The following CACNB1 variants were observed in gnomAD, a reference collection of about 807,000 sequenced individuals.
The protein encoded by CACNB1 is voltage-dependent L-type calcium channel subunit beta-1.
CACNB1 carries 29 observed loss-of-function variants against 71.6 expected under a neutral mutation model. That is an observed-to-expected ratio of 0.40 (90% CI 0.30 to 0.55). The LOEUF is 0.55. Ranked by LOEUF, CACNB1 falls within the 20% of genes least tolerant of loss-of-function variation. The pLI is 0.38. For synonymous variants in CACNB1, 300 were observed against 319.6 expected, an observed-to-expected ratio of 0.94 and a Z score of 0.65; for missense variants, 623 against 801.8, an observed-to-expected ratio of 0.78 and a Z score of 2.69.
In CACNB1 at chr17:39,174,024, AGGCG is replaced by A; in HGVS notation, c.*1165_*1168del. 6.5e-6 allele frequency: 1 copy of A among 152,734 alleles called. No individual in the cohort carries two copies. Among genetic ancestry groups the A allele is most frequent in the Non-Finnish European group, 1.5e-5 (1 of 68,124 alleles). 9.5% of individuals were successfully genotyped at this position (152,734 alleles called of 1,614,324 possible). ...GACAGGCATGAGGTGCCCATCCCTG[AGGCG>A]GGCAGCCGGGCAGGCCCCAGTCCTT... On this transcript the variant is annotated 3_prime_UTR_variant, in exon 14 of 14. Transcript: ENST00000394303.
At chr17:39,189,664 A>C (rs1178314123) in intron 3 of CACNB1, among the ~76,000 whole-genome samples, 174 of 151,060 alleles carry the variant, frequency 1.2e-3, no homozygotes, top group Non-Finnish European at 1.8e-4. Context: ...ACACCTGGCT[A>C]GTTTTGTATT....
chr17:39,194,850 C>T lies in CACNB1; in HGVS notation c.171+34G>A. 6.8e-7 allele frequency: 1 copy of T among 1,469,986 alleles called. No individual in the cohort carries two copies. Among genetic ancestry groups the T allele is most frequent in the South Asian group, 1.2e-5 (1 of 84,940 alleles). The allele number at this position is 1,469,986 out of a possible 1,614,324, so 91.1% of individuals were successfully genotyped here. ...CCAATGCTGGTCTCCACCAACCAGC[C>T]ACCTCCCTCCTCTCCGCCCAGCCTC... is the stretch of plus-strand genomic sequence containing the variant. On this transcript the variant is annotated intron_variant, in intron 2 of 13. Coordinates refer to ENST00000394303, the MANE Select transcript of CACNB1 (RefSeq NM_000723.5). The surrounding 1 kb of genome is among the most constrained non-coding windows in gnomAD (Gnocchi z 4.6).
chr17:39,185,193 G>T, intron 6 of CACNB1, 43 bp from the exon 7 acceptor site: 1 of 1,543,486 alleles, frequency 6.5e-7, no homozygotes, highest in Non-Finnish European at 9.0e-7. Flanking sequence ...GGAGGAGAGA[G>T]GGAAGGGGAC....
intron 2 of CACNB1, chr17:39,193,199 C>T (rs764916701): frequency 1.3e-4 from 37 of 285,938 alleles, no homozygotes; most frequent in Non-Finnish European, 1.8e-4. Flanking sequence ...CACATGCAGA[C>T]GCACATGTGC....
chr17:39,196,301 A>G (rs946731374), intron 1 of CACNB1, among the ~76,000 whole-genome samples: 1 of 152,042 alleles, frequency 6.6e-6, no homozygotes, highest in Non-Finnish European at 1.5e-5. Context: ...CTACAAACCT[A>G]GGAGGATCAC....
chr17:39,185,201 G>C, intron 6 of CACNB1, 51 bp from the exon 7 acceptor site: 5 of 1,445,598 alleles, frequency 3.5e-6, no homozygotes, highest in Non-Finnish European at 4.9e-6. Flanking sequence ...GAGGGAAGGG[G>C]ACCCAGGCAG....
At chr17:39,177,096 A>G in intron 13 of CACNB1, 1 of 1,395,060 alleles carries the variant, frequency 7.2e-7, no homozygotes, top group Non-Finnish European at 9.3e-7. Flanking sequence ...AGACAGCACC[A>G]GAAGCCCCAG....
At position 39,175,831 on chromosome 17, in the gene CACNB1, A is replaced by G. The variant is rs1006796776; in HGVS notation, c.1333-174T>C. Among the ~76,000 whole-genome samples the G allele has an allele frequency of 6.6e-6, 1 of 152,006 alleles. No homozygotes were observed. The highest frequency in any genetic ancestry group is 2.4e-5 in the African/African-American group (1 of 41,386). ...GCTCTGGAGCCCAGCCAGAGGACAG[A>G]CCTCAGGGCATTTGCTCCTCTCTCG... On this transcript the variant is annotated intron_variant, in intron 13 of 13. Transcript: ENST00000394303. The surrounding 1 kb of genome is among the most constrained non-coding windows in gnomAD (Gnocchi z 4.7).
In CACNB1 at chr17:39,186,768, C is replaced by T. The variant is rs1349603641; in HGVS notation, c.551+25G>A. On this transcript the variant is annotated intron_variant, in intron 5 of 13. Transcript: ENST00000394303. The surrounding 1 kb of genome is among the most constrained non-coding windows in gnomAD (Gnocchi z 4.1). ...GGCCTCTCCTGGGGTTGGCAGCATC[C>T]CCTTCCCCTGCCCCACCCAGACACC... 3.1e-6 allele frequency: 5 copies of T among 1,612,780 alleles called. No individual in the cohort carries two copies. The highest frequency in any genetic ancestry group is 4.2e-6 in the Non-Finnish European group (5 of 1,179,584).
intron 11 of CACNB1, among the ~76,000 whole-genome samples, chr17:39,179,764 C>T (rs1180788803): frequency 6.6e-6 from 1 of 151,590 alleles, no homozygotes; most frequent in Non-Finnish European, 1.5e-5. Flanking sequence ...CAAAAATTAG[C>T]TTGGCGTGGT....
chr17:39,175,315 G>A lies in CACNB1; in HGVS notation c.1675C>T (p.Leu559=), dbSNP rs768399646. The A allele has an allele frequency of 1.2e-6, 2 of 1,614,206 alleles. No individual in the cohort carries two copies. Among genetic ancestry groups the A allele is most frequent in the South Asian group, 2.2e-5 (2 of 91,086 alleles). The change falls in exon 14 of 14, where the codon CTG becomes TTG. Residue 559 remains leucine, a synonymous_variant. Coordinates refer to ENST00000394303, the MANE Select transcript of CACNB1 (RefSeq NM_000723.5). The surrounding 1 kb of genome is among the most constrained non-coding windows in gnomAD (Gnocchi z 4.7). ...EDEEEDYEEE[L]TDNRNRGRNK... is the part of the protein sequence containing the mutation. ...CGGCCCCGGTTCCGGTTGTCGGTCA[G>A]CTCTTCCTCATAGTCTTCTTCCTCG... is the stretch of plus-strand genomic sequence containing the variant.
chr17:39,188,233 A>G (rs903980142), intron 3 of CACNB1, among the ~76,000 whole-genome samples: 1 of 152,128 alleles, frequency 6.6e-6, no homozygotes, highest in Non-Finnish European at 1.5e-5. Context: ...CAGTGAGCCA[A>G]GATGGCACCA....
chr17:39,190,490 C>T (rs1257729931), intron 3 of CACNB1, among the ~76,000 whole-genome samples: 4 of 152,162 alleles, frequency 2.6e-5, no homozygotes, highest in South Asian at 2.1e-4. Context: ...TGCAGTGGTG[C>T]GATCTCAGCT....
chr17:39,182,798 G>A (rs1490606435), intron 11 of CACNB1: 5 of 172,906 alleles, frequency 2.9e-5, no homozygotes, highest in African/African-American at 4.8e-5. Context: ...AATAACACGA[G>A]AGGGATTACA....
At chr17:39,181,809 G>C (rs2045771654) in intron 11 of CACNB1, among the ~76,000 whole-genome samples, 1 of 152,136 alleles carries the variant, frequency 6.6e-6, no homozygotes, top group Non-Finnish European at 1.5e-5. Flanking sequence ...CTTGAGGTCA[G>C]GAGTTTGAGA....
At chr17:39,189,433 C>A (rs1029979424) in intron 3 of CACNB1, among the ~76,000 whole-genome samples, 2 of 151,990 alleles carry the variant, frequency 1.3e-5, no homozygotes, top group Non-Finnish European at 2.9e-5. Flanking sequence ...CACCTGTAAT[C>A]CCAATACTGG....
At chr17:39,195,062 G>A in intron 1 of CACNB1, 92 bp from the exon 2 acceptor site, 1 of 842,272 alleles carries the variant, frequency 1.2e-6, no homozygotes, top group Non-Finnish European at 2.0e-6. Flanking sequence ...CCAAGCTTGG[G>A]AACAGCACTC....
chr17:39,177,408 T>G lies in CACNB1; in HGVS notation c.1274A>C (p.Asn425Thr). ...PSSTPPNPLLNRTMATAALAA... is the reference protein window; with the variant it reads ...PSSTPPNPLLTRTMATAALAA... The stretch of plus-strand genomic sequence containing the variant: ...CAGGGCTGCGGTAGCCATGGTGCGG[T>G]TCAGCAGCGGATTGGGTGGCGTGCT... The change falls in exon 13 of 14, where the codon AAC becomes ACC. Residue 425 changes from asparagine (N) to threonine (T), a missense_variant. Asn to Thr is a moderately conservative substitution (Grantham distance 65). Coordinates refer to ENST00000394303, the MANE Select transcript of CACNB1 (RefSeq NM_000723.5). 1 of 1,613,432 alleles carries G rather than the reference T, an allele frequency of 6.2e-7. No homozygotes were observed. The highest frequency in any genetic ancestry group is 1.3e-5 in the African/African-American group (1 of 74,926).
In CACNB1 at chr17:39,178,053, T is replaced by G. The variant is rs767906410; in HGVS notation, c.1077A>C (p.Arg359=). 1 of 1,614,082 alleles carries G rather than the reference T, an allele frequency of 6.2e-7. No homozygotes were observed. The highest frequency in any genetic ancestry group is 1.7e-5 in the Admixed American group (1 of 60,016). The change falls in exon 12 of 14, where the codon CGA becomes CGC. Residue 359 remains arginine (R), a synonymous_variant. Transcript: ENST00000394303. ...PKVLQRLIKS[R]GKSQSKHLNV... The stretch of plus-strand genomic sequence containing the variant: ...TGAGGTGTTTGGACTGAGACTTTCC[T>G]CGGGACTTGATGAGCCTTTGAAGTA...
Sources: allele counts gnomAD v4.1 joint callset (sites outside exome capture counted in the v4.1 genomes callset), GRCh38; gene constraint gnomAD v4.1.1; non-coding constraint Gnocchi (gnomAD v3.1); transcripts MANE v1.5; gene names NCBI Gene and HGNC (gene_info 2026-07-23, HGNC 2026-07-21).